The following C16orf96 variants were observed in gnomAD, a reference collection of about 807,000 sequenced individuals.
C16orf96 encodes the protein uncharacterized protein C16orf96.
In C16orf96, 108 loss-of-function variants were observed where a neutral mutation model predicts 103.6. The ratio of observed to expected loss-of-function variants is 1.04; its 90% CI spans 0.89 to 1.22. The LOEUF (loss-of-function observed/expected upper bound fraction) is 1.22. Ranked by LOEUF, C16orf96 falls within the 50% of genes most tolerant of loss-of-function variation. The probability of loss-of-function intolerance (pLI) is 0.00; values close to 1 mark genes in which losing one functional copy is unlikely to be tolerated. For missense variants in C16orf96, 1,586 were observed against 1,464.2 expected, an observed-to-expected ratio of 1.08 and a Z score of -1.36; for synonymous variants, 566 against 593.5, an observed-to-expected ratio of 0.95 and a Z score of 0.67.
intron 14 of C16orf96, 128 bp downstream of exon 14, chr16:4,594,931 C>A: frequency 9.7e-7 from 1 of 1,032,762 alleles, no homozygotes; most frequent in Non-Finnish European, 1.4e-6. Context: ...CACAGTCAGT[C>A]ACAAAAATTG....
At chr16:4,595,459 G>GC (rs1269676297) in intron 14 of C16orf96, among the ~76,000 whole-genome samples, 1 of 152,218 alleles carries the variant, frequency 6.6e-6, no homozygotes, top group Non-Finnish European at 1.5e-5. Context: ...CAGTGCTGAG[G>GC]CCCGGCTCTG....
Position 4,600,566 on chromosome 16 carries a change from C to G in C16orf96, c.*249C>G. The stretch of plus-strand genomic sequence containing the variant: ...TGCCCCCCCCACCCCCACCAAGTCC[C>G]GTCCCCGGCTGAGACCCAGGGCCCT... On this transcript the variant is annotated 3_prime_UTR_variant, in exon 16 of 16. Coordinates refer to ENST00000444310, the MANE Select transcript of C16orf96 (RefSeq NM_001145011.2). The G allele has an allele frequency of 2.1e-6, 1 of 470,428 alleles. No homozygotes were observed. Among genetic ancestry groups the G allele is most frequent in the Non-Finnish European group, 3.9e-6 (1 of 254,736 alleles). 29.1% of individuals were successfully genotyped at this position (470,428 alleles called of 1,614,324 possible).
the C16orf96 span, among the ~76,000 whole-genome samples, chr16:4,539,207 T>TCTAA: frequency 1.3e-5 from 2 of 152,216 alleles, no homozygotes; most frequent in African/African-American, 4.8e-5. Context: ...CCATCTTGCT[T>TCTAA]CTAACCTCCA....
the C16orf96 span, among the ~76,000 whole-genome samples, chr16:4,546,862 A>G: frequency 6.6e-6 from 1 of 152,244 alleles, no homozygotes. Flanking sequence ...TATTCATTCC[A>G]TAAAAAGGAA....
intron 1 of C16orf96, among the ~76,000 whole-genome samples, chr16:4,559,802 C>T (rs548337750): frequency 6.6e-6 from 1 of 152,246 alleles, no homozygotes; most frequent in Admixed American, 6.5e-5. Context: ...TGCTTTCTGT[C>T]TTACGGATTT....
intron 2 of C16orf96, among the ~76,000 whole-genome samples, 176 bp downstream of exon 2, chr16:4,571,841 C>G (rs1281283269): frequency 2.0e-5 from 3 of 151,732 alleles, no homozygotes; most frequent in African/African-American, 7.3e-5. Context: ...CCCCTCCATG[C>G]TTTCTTTTCT....
intron 7 of C16orf96, among the ~76,000 whole-genome samples, chr16:4,582,695 G>T (rs1435580177): frequency 6.6e-6 from 1 of 152,082 alleles, no homozygotes; most frequent in Non-Finnish European, 1.5e-5. Flanking sequence ...CCATGTCCTG[G>T]GGTCATCTTG....
At chr16:4,578,134 A>T (rs549711242) in intron 5 of C16orf96, among the ~76,000 whole-genome samples, 1,580 of 152,148 alleles carry the variant, frequency 0.01, 21 homozygotes, top group African/African-American at 0.034. Flanking sequence ...TTAAAAAAAA[A>T]TTTTTTTAAT....
rs551285492 is a variant in C16orf96, at chr16:4,593,058, C to G, written c.2775-166C>G. On this transcript the variant is annotated intron_variant, in intron 11 of 15. Coordinates refer to ENST00000444310, the MANE Select transcript of C16orf96 (RefSeq NM_001145011.2). The surrounding 1 kb of genome is among the most constrained non-coding windows in gnomAD (Gnocchi z 4.2). ...GGTCCTGAGATGCCTTTCGGGGGGG[C>G]CCCTTCTACTTCTATGCTGTGGACG... 2.6e-5 allele frequency among the ~76,000 whole-genome samples: 4 copies of G among 152,238 alleles called. No homozygotes were observed. Among genetic ancestry groups the G allele is most frequent in the East Asian group, 3.9e-4 (2 of 5,176 alleles).
chr16:4,563,292 C>G (rs2059351995), intron 1 of C16orf96, among the ~76,000 whole-genome samples: 1 of 152,182 alleles, frequency 6.6e-6, no homozygotes, highest in African/African-American at 2.4e-5. Context: ...CTCTGTCGCC[C>G]AGGCTGGGGT....
chr16:4,577,582 C>T (rs562210053), intron 5 of C16orf96, among the ~76,000 whole-genome samples: 97 of 151,146 alleles, frequency 6.4e-4, no homozygotes, highest in Non-Finnish European at 1.2e-3. Flanking sequence ...ACCCAGGAGG[C>T]GAAGCTTGCA....
At chr16:4,577,790 G>A (rs557856043) in intron 5 of C16orf96, among the ~76,000 whole-genome samples, 3 of 152,124 alleles carry the variant, frequency 2.0e-5, no homozygotes, top group South Asian at 2.1e-4. Context: ...ACTCCGTCTC[G>A]ACTAAAAATA....
intron 1 of C16orf96, among the ~76,000 whole-genome samples, chr16:4,559,689 C>T (rs2059307485): frequency 6.6e-6 from 1 of 152,122 alleles, no homozygotes; most frequent in Admixed American, 6.5e-5. Context: ...GTTGTGCAGC[C>T]AGCCACCTCT....
At chr16:4,582,349 G>A (rs544691079) in intron 7 of C16orf96, among the ~76,000 whole-genome samples, 3 of 152,060 alleles carry the variant, frequency 2.0e-5, no homozygotes, top group Non-Finnish European at 4.4e-5. Context: ...GGTTGTTTCC[G>A]TGAAGGCTTC....
At chr16:4,551,221 G>A in the C16orf96 span, among the ~76,000 whole-genome samples, 7 of 152,154 alleles carry the variant, frequency 4.6e-5, no homozygotes, top group South Asian at 4.1e-4. Context: ...CGTGAGCTGC[G>A]ATCGCACCAC....
chr16:4,573,515 G>A (rs1295839693), intron 2 of C16orf96, among the ~76,000 whole-genome samples: 1 of 150,948 alleles, frequency 6.6e-6, no homozygotes, highest in Admixed American at 6.6e-5. Flanking sequence ...CATTTTGGGA[G>A]GCTGAGGTGG....
At chr16:4,574,945 C>A (rs775746017) in intron 3 of C16orf96, 27 bp from the exon 4 acceptor site, 230 of 1,547,432 alleles carry the variant, frequency 1.5e-4, no homozygotes, top group South Asian at 2.3e-4. Flanking sequence ...AGGCTCACAG[C>A]CCTCATTTTC....
At chr16:4,591,186 C>CAAAAATAAATAAATAAAATT (rs1361732260) in intron 9 of C16orf96, among the ~76,000 whole-genome samples, 1 of 152,066 alleles carries the variant, frequency 6.6e-6, no homozygotes, top group Non-Finnish European at 1.5e-5. Context: ...GACTCTGTCT[C>CAAAAATAAATAAATAAAATT]AAAAATAAAT....
At chr16:4,589,130 G>A (rs752379135) in intron 9 of C16orf96, among the ~76,000 whole-genome samples, 6 of 152,124 alleles carry the variant, frequency 3.9e-5, no homozygotes, top group Non-Finnish European at 7.4e-5. Context: ...CACTTACGCA[G>A]CCAGGAGAGT....
Sources: gnomAD v4.1 joint callset for allele counts (sites outside exome capture counted in the v4.1 genomes callset) on GRCh38, gnomAD v4.1.1 for gene constraint, Gnocchi (gnomAD v3.1) non-coding constraint, MANE v1.5 for transcripts, NCBI Gene and HGNC (gene_info 2026-07-23, HGNC 2026-07-21) for gene names.